NCKAP5: variants seen among roughly 807,000 people sequenced by gnomAD.
NCKAP5 encodes the protein NCK associated protein 5.
A neutral mutation model predicts 167.0 loss-of-function variants in NCKAP5; 92 were observed. The ratio of observed to expected loss-of-function variants is 0.55; its 90% CI spans 0.47 to 0.66. The LOEUF is 0.66. NCKAP5 is among the 30% of genes least tolerant of loss of function. NCKAP5 has a pLI of 0.00. For synonymous variants in NCKAP5, 891 were observed against 877.4 expected, an observed-to-expected ratio of 1.02 and a Z score of -0.27; for missense variants, 2,378 against 2,315.0, an observed-to-expected ratio of 1.03 and a Z score of -0.56.
intron 10 of NCKAP5, among the ~76,000 whole-genome samples, chr2:132,867,197 T>C (rs1415123146): frequency 6.6e-6 from 1 of 152,098 alleles, no homozygotes; most frequent in Non-Finnish European, 1.5e-5. Flanking sequence ...GTCTCTTTCC[T>C]GAGGCACCAT....
chr2:132,929,688 T>C (rs1192063076), intron 8 of NCKAP5, among the ~76,000 whole-genome samples: 3 of 152,154 alleles, frequency 2.0e-5, no homozygotes, highest in East Asian at 1.9e-4. Context: ...CATCAATAGA[T>C]GTGCTCTCTA....
chr2:132,903,905 T>C (rs1558923248), intron 8 of NCKAP5, among the ~76,000 whole-genome samples: 1 of 152,182 alleles, frequency 6.6e-6, no homozygotes. Flanking sequence ...TTCAGGGGTA[T>C]AAAATATACA....
At chr2:133,231,168 G>T (rs2087129566) in intron 4 of NCKAP5, among the ~76,000 whole-genome samples, 1 of 152,162 alleles carries the variant, frequency 6.6e-6, no homozygotes, top group South Asian at 2.1e-4. Flanking sequence ...TGGAGAAAAT[G>T]GAGGCTCAAA....
At chr2:133,407,586 T>C (rs1347956963) in intron 3 of NCKAP5, among the ~76,000 whole-genome samples, 2 of 152,168 alleles carry the variant, frequency 1.3e-5, no homozygotes, top group South Asian at 2.1e-4. Context: ...CCAGGGCCTA[T>C]TGAGAAGAGT....
At chr2:133,654,442 A>G in the NCKAP5 span, among the ~76,000 whole-genome samples, 2 of 152,154 alleles carry the variant, frequency 1.3e-5, no homozygotes, top group Admixed American at 1.3e-4. Context: ...AAGGATTATC[A>G]AGATGACATA....
chr2:133,426,934 A>G (rs1367635315), intron 3 of NCKAP5, among the ~76,000 whole-genome samples: 1 of 152,238 alleles, frequency 6.6e-6, no homozygotes, highest in African/African-American at 2.4e-5. Context: ...GATATACAGA[A>G]CATAAAGTAG....
At chr2:132,915,901 G>A (rs1014144628) in intron 8 of NCKAP5, among the ~76,000 whole-genome samples, 1 of 151,838 alleles carries the variant, frequency 6.6e-6, no homozygotes, top group Non-Finnish European at 1.5e-5. Context: ...TTTATAATAC[G>A]GTAAATTTGG....
Position 133,470,984 on chromosome 2 carries a change from C to T in NCKAP5, c.69+46474G>A, listed in dbSNP as rs6727666. Among the ~76,000 whole-genome samples, 793 of 152,322 alleles carry T rather than the reference C, an allele frequency of 5.2e-3. 7 individuals are homozygous for T. Among genetic ancestry groups the T allele is most frequent in the African/African-American group, 0.017 (726 of 41,566 alleles). On this transcript the variant is annotated intron_variant, in intron 3 of 19. Transcript: ENST00000409261. ...AATCACCCGTCTTCTGCATCGCTCA[C>T]GCTGGGAGCTGTAGACTGGAGCTGT...
At chr2:133,396,645 A>T (rs1687746144) in intron 3 of NCKAP5, among the ~76,000 whole-genome samples, 1 of 152,082 alleles carries the variant, frequency 6.6e-6, no homozygotes, top group Non-Finnish European at 1.5e-5. Flanking sequence ...TTTTATAAGG[A>T]CATCAGTCAT....
At chr2:133,480,168 G>C (rs2151310670) in intron 3 of NCKAP5, among the ~76,000 whole-genome samples, 1 of 152,202 alleles carries the variant, frequency 6.6e-6, no homozygotes. Flanking sequence ...CTGACCTCTA[G>C]TGGTCCACCC....
chr2:132,802,475 C>T (rs1025157716), intron 11 of NCKAP5, among the ~76,000 whole-genome samples: 2 of 152,168 alleles, frequency 1.3e-5, no homozygotes, highest in Non-Finnish European at 2.9e-5. Flanking sequence ...GGGCCCTGGG[C>T]CCAGGGTTTG....
At chr2:133,646,234 C>T in the NCKAP5 span, among the ~76,000 whole-genome samples, 1 of 151,818 alleles carries the variant, frequency 6.6e-6, no homozygotes, top group Non-Finnish European at 1.5e-5. Flanking sequence ...ATAATGTAAA[C>T]AATTTAAAAA....
chr2:132,793,497 GGT>G (rs1684237715), intron 12 of NCKAP5, among the ~76,000 whole-genome samples: 1 of 152,258 alleles, frequency 6.6e-6, no homozygotes, highest in African/African-American at 2.4e-5. Context: ...GTAATTCTGA[GGT>G]AGGACCTGAG....
At chr2:132,918,289 A>G (rs1695039735) in intron 8 of NCKAP5, among the ~76,000 whole-genome samples, 1 of 152,200 alleles carries the variant, frequency 6.6e-6, no homozygotes, top group South Asian at 2.1e-4. Context: ...GGTAGTACTC[A>G]AAGCAATTTC....
chr2:132,920,652 G>T (rs866495738), intron 8 of NCKAP5, among the ~76,000 whole-genome samples: 5 of 98,840 alleles, frequency 5.1e-5, no homozygotes, highest in Middle Eastern at 5.2e-3. Context: ...TATATATATG[G>T]AAGAACTTAT....
the NCKAP5 span, among the ~76,000 whole-genome samples, chr2:133,650,590 G>A: frequency 3.4e-4 from 52 of 152,250 alleles, 1 homozygote; most frequent in Admixed American, 1.9e-3. Context: ...AAAGGTTCCA[G>A]GAGGCTGAGT....
chr2:133,526,802 T>C (rs1165654078), intron 2 of NCKAP5, among the ~76,000 whole-genome samples: 1 of 152,110 alleles, frequency 6.6e-6, no homozygotes, highest in Non-Finnish European at 1.5e-5. Flanking sequence ...GCCTGTGAAC[T>C]CCTAAAGGGA....
intron 8 of NCKAP5, among the ~76,000 whole-genome samples, chr2:132,910,306 T>C (rs994095675): frequency 3.9e-5 from 6 of 152,042 alleles, no homozygotes; most frequent in African/African-American, 1.4e-4. Flanking sequence ...GTACAATTAT[T>C]ATTGACTATA....
intron 16 of NCKAP5, among the ~76,000 whole-genome samples, chr2:132,765,089 T>G (rs767325870): frequency 7.2e-5 from 11 of 152,178 alleles, no homozygotes; most frequent in Non-Finnish European, 1.3e-4. Flanking sequence ...AACATCTACG[T>G]AGCTTGTTGG....
Sources: gnomAD v4.1 joint callset for allele counts (sites outside exome capture counted in the v4.1 genomes callset) on GRCh38, gnomAD v4.1.1 for gene constraint, MANE v1.5 for transcripts, NCBI Gene and HGNC (gene_info 2026-07-23, HGNC 2026-07-21) for gene names.